Variants in TRPC4 observed in about 807,000 individuals in gnomAD.
TRPC4 encodes the protein short transient receptor potential channel 4.
TRPC4 carries 49 observed loss-of-function variants against 99.4 expected under a neutral mutation model. That is an observed-to-expected ratio of 0.49 (90% CI 0.39 to 0.63). The LOEUF is 0.63. Ranked by LOEUF, TRPC4 falls within the 20% of genes least tolerant of loss-of-function variation. The pLI, the probability that TRPC4 is intolerant of heterozygous loss-of-function variation, is 0.00. For synonymous variants in TRPC4, 454 were observed against 425.9 expected, an observed-to-expected ratio of 1.07 and a Z score of -0.81; for missense variants, 898 against 1,152.9, an observed-to-expected ratio of 0.78 and a Z score of 3.20.
chr13:37,695,429 C>A (rs1025697124), intron 3 of TRPC4, among the ~76,000 whole-genome samples: 1 of 152,196 alleles, frequency 6.6e-6, no homozygotes, highest in East Asian at 1.9e-4. Flanking sequence ...CCTACAGCCC[C>A]CCTCCTACTC....
At chr13:37,644,198 C>CT (rs1465382880) in intron 8 of TRPC4, among the ~76,000 whole-genome samples, 6 of 151,942 alleles carry the variant, frequency 3.9e-5, no homozygotes, top group East Asian at 1.9e-4. Context: ...CATTCATATC[C>CT]TTTTTTGTTG....
At chr13:37,685,777 G>C (rs937429782) in intron 4 of TRPC4, among the ~76,000 whole-genome samples, 25 of 152,008 alleles carry the variant, frequency 1.6e-4, no homozygotes, top group African/African-American at 2.2e-4. Context: ...GGCCTAAAAA[G>C]AGTTCATTTC....
intron 2 of TRPC4, among the ~76,000 whole-genome samples, chr13:37,760,656 T>G (rs1174015068): frequency 6.6e-6 from 1 of 151,970 alleles, no homozygotes; most frequent in African/African-American, 2.4e-5. Context: ...CCAGGACAGC[T>G]TTGAATGCAG....
chr13:37,644,890 A>AT (rs1951824861), intron 8 of TRPC4, among the ~76,000 whole-genome samples: 1 of 150,462 alleles, frequency 6.6e-6, no homozygotes, highest in Admixed American at 6.6e-5. Flanking sequence ...AAAAAAAAAA[A>AT]AAGAAAGAAA....
At chr13:37,866,582 A>G (rs927090912) in intron 1 of TRPC4, among the ~76,000 whole-genome samples, 4 of 151,808 alleles carry the variant, frequency 2.6e-5, no homozygotes, top group Non-Finnish European at 5.9e-5. Flanking sequence ...TTTGCATCAT[A>G]AAGTTATTTT....
chr13:37,752,737 A>G (rs929325175), intron 2 of TRPC4, among the ~76,000 whole-genome samples: 1 of 152,048 alleles, frequency 6.6e-6, no homozygotes, highest in South Asian at 2.1e-4. Context: ...TGGCTGGTAC[A>G]TTTAGCTTAT....
chr13:37,811,096 GT>G (rs1299287442), intron 1 of TRPC4, among the ~76,000 whole-genome samples: 1 of 151,934 alleles, frequency 6.6e-6, no homozygotes, highest in African/African-American at 2.4e-5. Context: ...CTGTGACAAA[GT>G]TTTTTAGTTG....
At chr13:37,771,161 C>T (rs1293002420) in intron 2 of TRPC4, among the ~76,000 whole-genome samples, 1 of 151,680 alleles carries the variant, frequency 6.6e-6, no homozygotes, top group African/African-American at 2.4e-5. Context: ...CAGTTGATTG[C>T]TAATTAGATT....
At chr13:37,711,607 G>A (rs1184263159) in intron 3 of TRPC4, among the ~76,000 whole-genome samples, 1 of 151,926 alleles carries the variant, frequency 6.6e-6, no homozygotes, top group Non-Finnish European at 1.5e-5. Flanking sequence ...GTCTCTGTAA[G>A]ATATAGCAAA....
intron 1 of TRPC4, among the ~76,000 whole-genome samples, chr13:37,796,953 A>ATAAAG (rs1359266161): frequency 1.7e-4 from 21 of 120,214 alleles, no homozygotes; most frequent in Admixed American, 4.7e-4. Flanking sequence ...ATAAAATAAA[A>ATAAAG]TAAAATAAAA....
intron 3 of TRPC4, among the ~76,000 whole-genome samples, chr13:37,727,045 T>C (rs1955089467): frequency 6.6e-6 from 1 of 152,018 alleles, no homozygotes; most frequent in South Asian, 2.1e-4. Context: ...CTTTAAGTAA[T>C]GAAATAGAGG....
At chr13:37,866,287 T>C (rs1170776024) in intron 1 of TRPC4, among the ~76,000 whole-genome samples, 1 of 151,804 alleles carries the variant, frequency 6.6e-6, no homozygotes, top group Admixed American at 6.6e-5. Flanking sequence ...TCTATGACAC[T>C]GCTATATTTT....
chr13:37,690,105 T>C (rs528090162), intron 4 of TRPC4, among the ~76,000 whole-genome samples: 1 of 152,296 alleles, frequency 6.6e-6, no homozygotes, highest in Non-Finnish European at 1.5e-5. Flanking sequence ...TTATGGAAAA[T>C]GTAACATCCT....
chr13:37,864,031 A>T (rs1959572572), intron 1 of TRPC4, among the ~76,000 whole-genome samples: 1 of 151,740 alleles, frequency 6.6e-6, no homozygotes, highest in South Asian at 2.1e-4. Context: ...GAGTATCTGA[A>T]CACTTTTCAT....
intron 1 of TRPC4, among the ~76,000 whole-genome samples, chr13:37,845,546 A>G (rs963615934): frequency 9.9e-5 from 15 of 152,048 alleles, no homozygotes; most frequent in African/African-American, 3.6e-4. Flanking sequence ...TCAATAGCAG[A>G]CTTGATCAAG....
At chr13:37,810,258 T>C (rs1054526684) in intron 1 of TRPC4, among the ~76,000 whole-genome samples, 1 of 152,080 alleles carries the variant, frequency 6.6e-6, no homozygotes, top group Admixed American at 6.6e-5. Context: ...GATACAATGT[T>C]ATTTGATTAT....
Position 37,636,046 on chromosome 13 carries a change from G to A in TRPC4, c.*857C>T, listed in dbSNP as rs1480338310. On this transcript the variant is annotated 3_prime_UTR_variant, in exon 11 of 11. Coordinates refer to ENST00000379705, the MANE Select transcript of TRPC4 (RefSeq NM_016179.4). ...ATTTTCATTTGGATATTATTAGTAT[G>A]TAATCATCTTGCTTGTTTAAGATAC... Among the ~76,000 whole-genome samples, 1 of 151,974 alleles carries A rather than the reference G, an allele frequency of 6.6e-6. No homozygotes were observed. Among genetic ancestry groups the A allele is most frequent in the African/African-American group, 2.4e-5 (1 of 41,410 alleles).
intron 5 of TRPC4, among the ~76,000 whole-genome samples, chr13:37,673,569 T>C (rs1952937925): frequency 6.6e-6 from 1 of 152,032 alleles, no homozygotes; most frequent in Admixed American, 6.6e-5. Context: ...GGAGAGAAGA[T>C]AATCCTCTGG....
intron 7 of TRPC4, among the ~76,000 whole-genome samples, chr13:37,653,049 A>T (rs973255434): frequency 6.6e-6 from 1 of 152,090 alleles, no homozygotes; most frequent in East Asian, 1.9e-4. Context: ...TCTGCCTCCC[A>T]TCAGTCCTGA....
Sources: allele counts gnomAD v4.1 joint callset (sites outside exome capture counted in the v4.1 genomes callset), GRCh38; gene constraint gnomAD v4.1.1; transcripts MANE v1.5; gene names NCBI Gene and HGNC (gene_info 2026-07-23, HGNC 2026-07-21).